PBX4: variants seen among roughly 807,000 people sequenced by gnomAD.
PBX4 encodes PBX homeobox 4.
Under a neutral mutation model 35.1 loss-of-function variants are expected in PBX4, and 26 were observed. That is an observed-to-expected ratio of 0.74 (90% confidence interval 0.54 to 1.03). PBX4 has a LOEUF of 1.03. Ranked by LOEUF, PBX4 falls within the 50% of genes least tolerant of loss-of-function variation. The pLI is 0.00. For missense variants in PBX4, 448 were observed against 504.3 expected, an observed-to-expected ratio of 0.89 and a Z score of 1.07; for synonymous variants, 199 against 204.2, an observed-to-expected ratio of 0.97 and a Z score of 0.22.
Position 19,570,741 on chromosome 19 carries a change from G to C in PBX4, c.286C>G (p.Pro96Ala). The C allele has an allele frequency of 6.2e-7, 1 of 1,614,118 alleles. No individual in the cohort carries two copies. Among genetic ancestry groups the C allele is most frequent in the Non-Finnish European group, 8.5e-7 (1 of 1,180,020 alleles). The change falls in exon 3 of 8, where the codon CCC (proline) becomes GCC (alanine). Residue 96 changes from proline to alanine, a missense_variant. Pro to Ala is a conservative substitution (Grantham distance 27). Transcript: ENST00000251203. ...GCTCCTCCTCTTCCTCTCTTCTCGGGCCTGCACACGCCCTCAGCCAGCAGC... is the reference window on the plus strand; with the variant it reads ...GCTCCTCCTCTTCCTCTCTTCTCGGCCCTGCACACGCCCTCAGCCAGCAGC... ...NMLLAEGVCRPEKRGRGGAVA... is the reference protein window; with the variant it reads ...NMLLAEGVCRAEKRGRGGAVA...
intron 2 of PBX4, among the ~76,000 whole-genome samples, chr19:19,591,592 C>T (rs374784621): frequency 1.2e-3 from 184 of 152,304 alleles, no homozygotes; most frequent in African/African-American, 4.2e-3. Flanking sequence ...CAAAGCAGGC[C>T]CCTTCTCAAG....
chr19:19,577,836 C>T (rs764996550), intron 2 of PBX4, among the ~76,000 whole-genome samples: 9 of 139,286 alleles, frequency 6.5e-5, no homozygotes, highest in Middle Eastern at 4.4e-3. Flanking sequence ...TCCAGCCTGG[C>T]GACAAAGGGA....
At chr19:19,596,385 TA>T (rs1555738938) in intron 2 of PBX4, among the ~76,000 whole-genome samples, 2 of 151,342 alleles carry the variant, frequency 1.3e-5, no homozygotes, top group African/African-American at 4.9e-5. Context: ...AATAAATAAA[TA>T]AACAAACAAA....
At chr19:19,603,277 G>T (rs1245476995) in intron 1 of PBX4, among the ~76,000 whole-genome samples, 1 of 152,064 alleles carries the variant, frequency 6.6e-6, no homozygotes, top group Non-Finnish European at 1.5e-5. Flanking sequence ...ACAAAGCAAG[G>T]CCAAAGGGTA....
At chr19:19,574,637 TC>T (rs1317432728) in intron 2 of PBX4, among the ~76,000 whole-genome samples, 1 of 151,106 alleles carries the variant, frequency 6.6e-6, no homozygotes, top group East Asian at 1.9e-4. Flanking sequence ...CCTTTTTTTT[TC>T]CTTTTTTTTT....
chr19:19,581,588 G>A (rs961432458), intron 2 of PBX4, among the ~76,000 whole-genome samples: 5 of 152,220 alleles, frequency 3.3e-5, no homozygotes, highest in African/African-American at 1.2e-4. Context: ...ACAGGGCAGA[G>A]CGCCTGCTCC....
chr19:19,563,673 A>C lies in PBX4; in HGVS notation c.926-58T>G, dbSNP rs1370837817. The C allele has an allele frequency of 7.0e-7, 1 of 1,419,976 alleles. No individual in the cohort carries two copies. Among genetic ancestry groups the C allele is most frequent in the South Asian group, 1.2e-5 (1 of 81,114 alleles). The allele number at this position is 1,419,976 out of a possible 1,614,324, so 88.0% of individuals were successfully genotyped here. ...CGTGGCGCCTCCTCAGGTGGAACCC[A>C]CCCAGCCCCTCAGCCGGCAGGAGGC... On this transcript the variant is annotated intron_variant, in intron 6 of 7. Transcript: ENST00000251203. The surrounding 1 kb of genome is among the most constrained non-coding windows in gnomAD (Gnocchi z 5.1).
chr19:19,573,902 G>C (rs557440693), intron 2 of PBX4, among the ~76,000 whole-genome samples: 1 of 152,116 alleles, frequency 6.6e-6, no homozygotes, highest in East Asian at 1.9e-4. Flanking sequence ...GCTAATTTTT[G>C]TATTTTTAGT....
intron 2 of PBX4, among the ~76,000 whole-genome samples, chr19:19,571,117 C>T (rs755602180): frequency 2.7e-4 from 41 of 152,316 alleles, no homozygotes; most frequent in African/African-American, 9.1e-4. Flanking sequence ...GCTGTGTGCA[C>T]GCAGCAGGGC....
chr19:19,603,283 G>A (rs1184805829), intron 1 of PBX4, among the ~76,000 whole-genome samples: 1 of 152,104 alleles, frequency 6.6e-6, no homozygotes, highest in Non-Finnish European at 1.5e-5. Flanking sequence ...CAAGGCCAAA[G>A]GGTAAGTCAA....
intron 2 of PBX4, among the ~76,000 whole-genome samples, chr19:19,584,397 C>T: frequency 6.6e-6 from 1 of 152,164 alleles, no homozygotes; most frequent in Admixed American, 6.6e-5. Context: ...GAGGTCCCTC[C>T]TCGGCTCAGA....
At chr19:19,604,660 G>A (rs1229788919) in intron 1 of PBX4, among the ~76,000 whole-genome samples, 1 of 151,660 alleles carries the variant, frequency 6.6e-6, no homozygotes, top group Admixed American at 6.6e-5. Flanking sequence ...GAGTGCAGTA[G>A]CGCGATCTTG....
chr19:19,606,452 C>T (rs1312270669), intron 1 of PBX4: 2 of 152,262 alleles, frequency 1.3e-5, no homozygotes, highest in African/African-American at 4.8e-5. Flanking sequence ...ATAGCCCAGC[C>T]AACACCTTGA....
At position 19,563,775 on chromosome 19, in the gene PBX4, T is replaced by A. The variant is rs1219330008; in HGVS notation, c.926-160A>T. The A allele has an allele frequency of 3.1e-6, 2 of 653,456 alleles. No homozygotes were observed. Among genetic ancestry groups the A allele is most frequent in the Admixed American group, 4.6e-5 (2 of 43,802 alleles). 40.5% of individuals were successfully genotyped at this position (653,456 alleles called of 1,614,324 possible). On this transcript the variant is annotated intron_variant, in intron 6 of 7. Transcript: ENST00000251203. This position sits in a 1 kb window ranked among gnomAD's most constrained non-coding sequence, Gnocchi z 5.1. Reference sequence around the variant, plus strand: ...CCCACCCAGGCAGGCCAGCGGGCCCTCCCCACCACACTACTCATGTCCCCT... The same window carrying A: ...CCCACCCAGGCAGGCCAGCGGGCCCACCCCACCACACTACTCATGTCCCCT...
chr19:19,563,577 C>T lies in PBX4; in HGVS notation c.964G>A (p.Ala322Thr), dbSNP rs370342583. The stretch of plus-strand genomic sequence containing the variant: ...GCCAGAGTCCGCAGGGTGAGGAAGG[C>T]GTCCCCAGCGCTGGGCAGCGGGAAG... Reference protein sequence around the residue: ...GPFPLPSAGDAFLTLRTLASL... With the variant: ...GPFPLPSAGDTFLTLRTLASL... The change falls in exon 7 of 8, where the codon GCC becomes ACC. Residue 322 changes from alanine (A) to threonine (T), a missense_variant. Coordinates refer to ENST00000251203, the MANE Select transcript of PBX4 (RefSeq NM_025245.3). The surrounding 1 kb of genome is among the most constrained non-coding windows in gnomAD (Gnocchi z 5.1). The T allele has an allele frequency of 1.2e-5, 18 of 1,550,174 alleles. No individual in the cohort carries two copies. Among genetic ancestry groups the T allele is most frequent in the Middle Eastern group, 2.1e-4 (1 of 4,660 alleles).
chr19:19,618,545 TG>T lies in PBX4; in HGVS notation c.84del (p.Ile29SerfsTer16). On this transcript the variant is annotated frameshift_variant, in exon 1 of 8. Transcript: ENST00000251203. LOFTEE classifies it high-confidence loss of function. ...DTSDVLQQIM[A>X]ITDQSLDEAQ... ...GCCTCGTCCAGGCTCTGGTCGGTGA[TG>T]GCCATGATCTGCTGCAGGACGTCGC... is the stretch of plus-strand genomic sequence containing the variant. 2 of 1,469,344 alleles carry T rather than the reference TG, an allele frequency of 1.4e-6. No individual in the cohort carries two copies. The highest frequency in any genetic ancestry group is 1.8e-6 in the Non-Finnish European group (2 of 1,105,318). 91.0% of individuals were successfully genotyped at this position (1,469,344 alleles called of 1,614,324 possible).
intron 1 of PBX4, among the ~76,000 whole-genome samples, chr19:19,607,793 T>C (rs1192339209): frequency 6.6e-6 from 1 of 152,236 alleles, no homozygotes. Context: ...CTCATCAAGG[T>C]ATCATTTTAA....
In PBX4 at chr19:19,564,982, T is replaced by A; in HGVS notation, c.876A>T (p.Glu292Asp). 1 of 1,614,236 alleles carries A rather than the reference T, an allele frequency of 6.2e-7. No individual in the cohort carries two copies. The highest frequency in any genetic ancestry group is 1.7e-5 in the Admixed American group (1 of 60,020). The change falls in exon 6 of 8, where the codon GAA becomes GAT. Residue 292 changes from glutamate (E) to aspartate (D), a missense_variant. Coordinates refer to ENST00000251203, the MANE Select transcript of PBX4 (RefSeq NM_025245.3). ...YTGKTAVDTT[E>D]VGVPGNHASC... ...TGGCGTGGTTCCCTGGGACCCCAACTTCCGTGGTATCCACAGCCGTTTTAC... is the reference window on the plus strand; with the variant it reads ...TGGCGTGGTTCCCTGGGACCCCAACATCCGTGGTATCCACAGCCGTTTTAC...
intron 6 of PBX4, 196 bp downstream of exon 6, chr19:19,564,737 C>T (rs539203219): frequency 1.5e-6 from 1 of 669,076 alleles, no homozygotes; most frequent in Non-Finnish European, 2.5e-6. Flanking sequence ...GCCATTCTGT[C>T]CCCAAAGCAC....
Sources: gnomAD v4.1 joint callset for allele counts (sites outside exome capture counted in the v4.1 genomes callset) on GRCh38, gnomAD v4.1.1 for gene constraint, Gnocchi (gnomAD v3.1) non-coding constraint, MANE v1.5 for transcripts, NCBI Gene and HGNC (gene_info 2026-07-23, HGNC 2026-07-21) for gene names.